The following TMCO5A variants were observed in gnomAD, a reference collection of about 807,000 sequenced individuals.
The protein encoded by TMCO5A is transmembrane and coiled-coil domains 5A, also known as transmembrane and coiled-coil domain-containing protein 5A.
TMCO5A carries 34 observed loss-of-function variants against 42.3 expected under a neutral mutation model. The observed-to-expected ratio is 0.80, with a 90% CI of 0.61 to 1.07. The LOEUF (loss-of-function observed/expected upper bound fraction) is 1.07, where lower values mean the gene tolerates loss of function less well. Among genes scored for constraint, TMCO5A ranks in the 50% least tolerant of loss-of-function variants. TMCO5A has a pLI of 0.00. For synonymous variants in TMCO5A, 131 were observed against 115.6 expected (o/e 1.13, Z -0.86); for missense variants, 357 against 327.9 (o/e 1.09, Z -0.69).
At chr15:37,958,953 G>A (rs541331944) in intron 11 of TMCO5A, among the ~76,000 whole-genome samples, 1 of 152,154 alleles carries the variant, frequency 6.6e-6, no homozygotes, top group East Asian at 1.9e-4. Context: ...AAAAGGATGA[G>A]TTCATGTACT....
chr15:38,016,100 T>A, the TMCO5A span, among the ~76,000 whole-genome samples: 1 of 152,148 alleles, frequency 6.6e-6, no homozygotes, highest in African/African-American at 2.4e-5. Flanking sequence ...TCATCAGTTG[T>A]AACAAATGCA....
At chr15:38,037,549 A>G in the TMCO5A span, among the ~76,000 whole-genome samples, 1 of 152,198 alleles carries the variant, frequency 6.6e-6, no homozygotes, top group Non-Finnish European at 1.5e-5. Flanking sequence ...TGCCATCCAG[A>G]AAATTCCTAC....
intron 11 of TMCO5A, chr15:37,966,564 C>A (rs1890561847): frequency 2.8e-6 from 2 of 702,696 alleles, no homozygotes; most frequent in Admixed American, 2.0e-5. Flanking sequence ...TTAGGCAAGG[C>A]TACAGCAAGA....
At chr15:37,981,091 A>G in the TMCO5A span, among the ~76,000 whole-genome samples, 3 of 151,878 alleles carry the variant, frequency 2.0e-5, no homozygotes, top group Non-Finnish European at 4.4e-5. Context: ...TTTGTTGTTT[A>G]AAGTAAAGGT....
the TMCO5A span, among the ~76,000 whole-genome samples, chr15:37,999,054 G>A: frequency 2.6e-5 from 4 of 152,178 alleles, no homozygotes; most frequent in Non-Finnish European, 5.9e-5. Flanking sequence ...TTACAGGCAT[G>A]CGCCACCATG....
chr15:38,034,589 C>T, the TMCO5A span, among the ~76,000 whole-genome samples: 1 of 152,226 alleles, frequency 6.6e-6, no homozygotes, highest in African/African-American at 2.4e-5. Flanking sequence ...CAACCACCCC[C>T]AGAGCTCTGT....
the TMCO5A span, among the ~76,000 whole-genome samples, chr15:38,001,464 C>T: frequency 2.7e-5 from 4 of 149,502 alleles, no homozygotes; most frequent in African/African-American, 9.9e-5. Flanking sequence ...ACGAATTAGC[C>T]ACTCTATGTC....
At chr15:37,981,196 C>A in the TMCO5A span, among the ~76,000 whole-genome samples, 2 of 108,154 alleles carry the variant, frequency 1.8e-5, no homozygotes, top group African/African-American at 4.2e-5. Flanking sequence ...GTAGAGAAAG[C>A]CAGCAAAAAA....
At chr15:37,951,968 T>C (rs1890171161), downstream of TMCO5A, among the ~76,000 whole-genome samples, 1 of 151,994 alleles carries the variant, frequency 6.6e-6, no homozygotes, top group African/African-American at 2.4e-5. Context: ...ACTGCAGCAT[T>C]TGTGAGACAT....
chr15:37,993,336 G>T, the TMCO5A span: 3 of 151,124 alleles, frequency 2.0e-5, no homozygotes, highest in African/African-American at 7.3e-5. Flanking sequence ...ATTCGGAAAA[G>T]AAGTTTCTCC....
chr15:37,951,050 T>C lies in TMCO5A; in HGVS notation c.683T>C (p.Leu228Pro). Residue 228 changes from leucine (L) to proline (P), a missense_variant, in exon 12 of 12, where the codon CTC becomes CCC. Leu to Pro is a moderately conservative substitution (Grantham distance 98, BLOSUM62 -3). Transcript: ENST00000319669. ...RLFSKKIFCC[L>P]FFITLFFIRL... ...TCTCTTTTTAGGATTTTTTGCTGTC[T>C]CTTTTTCATCACCCTATTTTTCATC... is the stretch of plus-strand genomic sequence containing the variant. 6.2e-7 allele frequency: 1 copy of C among 1,611,966 alleles called. No individual in the cohort carries two copies. Among genetic ancestry groups the C allele is most frequent in the Non-Finnish European group, 8.5e-7 (1 of 1,179,764 alleles).
chr15:37,981,931 A>G, the TMCO5A span, among the ~76,000 whole-genome samples: 1 of 152,224 alleles, frequency 6.6e-6, no homozygotes, highest in African/African-American at 2.4e-5. Flanking sequence ...TGGCCTTTGA[A>G]GCAGTGTATT....
chr15:37,968,615 C>T (rs140547579), downstream of TMCO5A, among the ~76,000 whole-genome samples: 564 of 149,746 alleles, frequency 3.8e-3, 6 homozygotes, highest in African/African-American at 0.012. Context: ...TGGAATCTCG[C>T]CCTGTTGCCC....
At chr15:38,012,530 G>A in the TMCO5A span, among the ~76,000 whole-genome samples, 1 of 152,014 alleles carries the variant, frequency 6.6e-6, no homozygotes, top group Non-Finnish European at 1.5e-5. Context: ...AGTCGTGTGT[G>A]TGTGTGTGTG....
chr15:37,993,003 A>C, the TMCO5A span, among the ~76,000 whole-genome samples: 1 of 152,186 alleles, frequency 6.6e-6, no homozygotes, highest in East Asian at 1.9e-4. Context: ...ACCTAAAATA[A>C]AAGTTTTTAA....
At chr15:37,979,964 C>G in the TMCO5A span, among the ~76,000 whole-genome samples, 1 of 151,924 alleles carries the variant, frequency 6.6e-6, no homozygotes, top group African/African-American at 2.4e-5. Flanking sequence ...ATTCTGGCCA[C>G]TTTTTCATAA....
At chr15:37,982,547 T>TATATA in the TMCO5A span, among the ~76,000 whole-genome samples, 2 of 138,252 alleles carry the variant, frequency 1.4e-5, no homozygotes, top group Admixed American at 7.3e-5. Context: ...TTATATATTA[T>TATATA]TATGATATAT....
At chr15:37,973,095 G>A in the TMCO5A span, among the ~76,000 whole-genome samples, 1 of 150,940 alleles carries the variant, frequency 6.6e-6, no homozygotes, top group Non-Finnish European at 1.5e-5. Context: ...TAGGTGTGTG[G>A]TTTTATTTCT....
chr15:37,958,112 C>A (rs903824225), intron 11 of TMCO5A, among the ~76,000 whole-genome samples: 4 of 151,892 alleles, frequency 2.6e-5, no homozygotes, highest in South Asian at 4.2e-4. Context: ...AAGACTTAAA[C>A]GTAAGACCTA....
Sources: gnomAD v4.1 joint callset for allele counts (sites outside exome capture counted in the v4.1 genomes callset) on GRCh38, gnomAD v4.1.1 for gene constraint, MANE v1.5 for transcripts, NCBI Gene and HGNC (gene_info 2026-07-23, HGNC 2026-07-21) for gene names.